ERH: variants seen among roughly 807,000 people sequenced by gnomAD.
The protein encoded by ERH is enhancer of rudimentary homolog.
ERH carries 1 observed loss-of-function variant against 16.8 expected under a neutral mutation model. The ratio of observed to expected loss-of-function variants is 0.06; its 90% CI spans 0.02 to 0.28. The LOEUF (loss-of-function observed/expected upper bound fraction) is 0.28. Among genes scored for constraint, ERH ranks in the 10% least tolerant of loss-of-function variants. The pLI is 1.00. For synonymous variants in ERH, 43 were observed against 43.6 expected, an observed-to-expected ratio of 0.99 and a Z score of 0.05; for missense variants, 42 against 127.5, an observed-to-expected ratio of 0.33 and a Z score of 3.23.
chr14:69,380,407 AAT>A lies in ERH; in HGVS notation c.*129_*130del, dbSNP rs2045854676. Reference sequence around the variant, plus strand: ...TGAACAAGATCCTCACATTTCATCTAATACAGTCAATCTTGGCTAGAGTATAA... The same window carrying A: ...TGAACAAGATCCTCACATTTCATCTAACAGTCAATCTTGGCTAGAGTATAA... On this transcript the variant is annotated 3_prime_UTR_variant, in exon 4 of 4. Coordinates refer to ENST00000557016, the MANE Select transcript of ERH (RefSeq NM_004450.3). The A allele has an allele frequency of 1.9e-6, 1 of 516,694 alleles. No individual in the cohort carries two copies. 32.0% of individuals were successfully genotyped at this position (516,694 alleles called of 1,614,324 possible). A position where few individuals can be genotyped will look rare whatever the true frequency, so the allele number is the denominator to read the frequency against.
At position 69,386,957 on chromosome 14, in the gene ERH, A is replaced by T. The variant is rs775278303; in HGVS notation, c.212+6T>A. ...CAAGATAAAAGACATGTTGGCTAAT[A>T]CTTACACCAGGCAGCTGAGGTCTGC... On this transcript the variant is annotated splice_donor_region_variant and intron_variant, in intron 3 of 3. Transcript: ENST00000557016. The T allele has an allele frequency of 2.5e-6, 4 of 1,613,030 alleles. No individual in the cohort carries two copies. In the South Asian group the frequency reaches 4.4e-5, roughly 18 times the overall value.
intron 3 of ERH, among the ~76,000 whole-genome samples, chr14:69,386,462 TGTTA>T (rs2045893861): frequency 6.6e-6 from 1 of 152,218 alleles, no homozygotes; most frequent in South Asian, 2.1e-4. Flanking sequence ...TTATGCTCCT[TGTTA>T]GTAATTGTCA....
At chr14:69,395,251 GC>G (rs1048048325) in intron 1 of ERH, among the ~76,000 whole-genome samples, 12 of 152,268 alleles carry the variant, frequency 7.9e-5, no homozygotes, top group Admixed American at 7.2e-4. Flanking sequence ...ACTGCAGTGT[GC>G]CATGATCACA....
intron 2 of ERH, among the ~76,000 whole-genome samples, chr14:69,390,453 A>G (rs2045917890): frequency 6.6e-6 from 1 of 152,224 alleles, no homozygotes; most frequent in Non-Finnish European, 1.5e-5. Flanking sequence ...AAAACAATTC[A>G]ACAAAGAACA....
intron 2 of ERH, among the ~76,000 whole-genome samples, chr14:69,387,897 T>C (rs2045901933): frequency 6.6e-6 from 1 of 151,850 alleles, no homozygotes; most frequent in Non-Finnish European, 1.5e-5. Context: ...ATACAAAAAA[T>C]TAGCCAGGCA....
At chr14:69,388,352 A>G (rs1048490066) in intron 2 of ERH, among the ~76,000 whole-genome samples, 3 of 152,108 alleles carry the variant, frequency 2.0e-5, no homozygotes, top group African/African-American at 4.8e-5. Context: ...TTTTTATTCA[A>G]TAATACTCTC....
At chr14:69,381,485 C>T (rs2045863368) in intron 3 of ERH, among the ~76,000 whole-genome samples, 1 of 152,004 alleles carries the variant, frequency 6.6e-6, no homozygotes, top group African/African-American at 2.4e-5. Context: ...TCAGAAGATA[C>T]AGTAAGCTCC....
At position 69,380,607 on chromosome 14, in the gene ERH, A is replaced by G. The variant is rs762939815; in HGVS notation, c.246T>C (p.Tyr82=). 19 of 1,599,452 alleles carry G rather than the reference A, an allele frequency of 1.2e-5. No individual in the cohort carries two copies. Among genetic ancestry groups the G allele is most frequent in the Middle Eastern group, 1.7e-4 (1 of 5,980 alleles). The part of the protein sequence containing the change: ...YRADTQTYQP[Y]NKDWIKEKIY... ...TCTTCTCTTTAATCCAGTCTTTGTT[A>G]TAAGGCTGGTATGTCTGGGTATCAG... Residue 82 remains tyrosine (Y), a synonymous_variant, in exon 4 of 4, where the codon TAT becomes TAC. Coordinates refer to ENST00000557016, the MANE Select transcript of ERH (RefSeq NM_004450.3).
chr14:69,390,057 C>G (rs2045915389), intron 2 of ERH, among the ~76,000 whole-genome samples: 1 of 151,962 alleles, frequency 6.6e-6, no homozygotes, highest in Non-Finnish European at 1.5e-5. Flanking sequence ...CCACGCCATG[C>G]AGAAAGTAAA....
intron 1 of ERH, among the ~76,000 whole-genome samples, chr14:69,395,496 T>C (rs879101512): frequency 6.6e-6 from 1 of 152,224 alleles, no homozygotes. Flanking sequence ...CCCAACTAAA[T>C]TATAAACCTG....
At chr14:69,393,084 AGGTG>A (rs1882252987) in intron 2 of ERH, among the ~76,000 whole-genome samples, 1 of 152,238 alleles carries the variant, frequency 6.6e-6, no homozygotes, top group African/African-American at 2.4e-5. Context: ...TGGGAAGCCG[AGGTG>A]GGTGGATCAC....
intron 1 of ERH, 150 bp from the exon 2 acceptor site, chr14:69,395,062 C>A (rs767185901): frequency 2.7e-5 from 17 of 631,642 alleles, no homozygotes; most frequent in African/African-American, 5.6e-5. Context: ...GCCTATAATC[C>A]TCATCCTCTG....
At chr14:69,385,058 A>G (rs981075236) in intron 3 of ERH, among the ~76,000 whole-genome samples, 2 of 152,176 alleles carry the variant, frequency 1.3e-5, no homozygotes, top group African/African-American at 2.4e-5. Context: ...ACCTACAATG[A>G]ACTGATCTAC....
chr14:69,395,736 T>C (rs1482336267), intron 1 of ERH, among the ~76,000 whole-genome samples: 1 of 152,168 alleles, frequency 6.6e-6, no homozygotes, highest in Non-Finnish European at 1.5e-5. Context: ...TATAAACATA[T>C]CATAAGAATT....
chr14:69,397,926 C>T, intron 1 of ERH: 1 of 554,216 alleles, frequency 1.8e-6, no homozygotes, highest in East Asian at 3.1e-5. Context: ...TCTCAAAAAA[C>T]AAAACACCTC....
In ERH at chr14:69,383,351, G is replaced by GGT. The variant is rs142724356; in HGVS notation, c.213-2713_213-2712dup. Among the ~76,000 whole-genome samples, 476 of 152,270 alleles carry GGT rather than the reference G, an allele frequency of 3.1e-3. 4 individuals are homozygous for GGT. Among genetic ancestry groups the GGT allele is most frequent in the African/African-American group, 0.011 (462 of 41,554 alleles). ...AAAGAATTAATTTAAAAAAGTCCTA[G>GGT]GTCACTGCCATGTAAATTTAATAGA... is the stretch of plus-strand genomic sequence containing the variant. On this transcript the variant is annotated intron_variant, in intron 3 of 3. Coordinates refer to ENST00000557016, the MANE Select transcript of ERH (RefSeq NM_004450.3).
At chr14:69,385,388 G>A (rs2045885315) in intron 3 of ERH, among the ~76,000 whole-genome samples, 1 of 151,912 alleles carries the variant, frequency 6.6e-6, no homozygotes, top group Admixed American at 6.6e-5. Context: ...TTCAAATGAT[G>A]TCCTTGCTCC....
intron 2 of ERH, among the ~76,000 whole-genome samples, chr14:69,393,959 T>C (rs1288270349): frequency 6.6e-6 from 1 of 150,674 alleles, no homozygotes; most frequent in African/African-American, 2.4e-5. Context: ...AAACTGAGAC[T>C]GCAATAAGCC....
intron 3 of ERH, among the ~76,000 whole-genome samples, chr14:69,384,711 AAC>A (rs2045881440): frequency 9.9e-6 from 1 of 100,768 alleles, no homozygotes; most frequent in Non-Finnish European, 2.1e-5. Context: ...CTCAAATAAC[AAC>A]ACAAGTGACG....
Sources: allele counts gnomAD v4.1 joint callset (sites outside exome capture counted in the v4.1 genomes callset), GRCh38; gene constraint gnomAD v4.1.1; transcripts MANE v1.5; gene names NCBI Gene and HGNC (gene_info 2026-07-23, HGNC 2026-07-21).